Variants in MAN2A1 observed in about 807,000 individuals in gnomAD.
The protein encoded by MAN2A1 is mannosidase alpha class 2A member 1.
Under a neutral mutation model 142.6 loss-of-function variants are expected in MAN2A1, and 76 were observed. The observed-to-expected ratio is 0.53, with a 90% CI of 0.44 to 0.65. MAN2A1 has a LOEUF of 0.65. Ranked by LOEUF, MAN2A1 falls within the 30% of genes least tolerant of loss-of-function variation. MAN2A1 has a pLI of 0.00. For missense variants in MAN2A1, 1,311 were observed against 1,365.1 expected (o/e 0.96, Z 0.62); for synonymous variants, 559 against 473.2 (o/e 1.18, Z -2.35).
At chr5:109,844,880 G>A (rs1404960981) in intron 17 of MAN2A1, among the ~76,000 whole-genome samples, 1 of 152,172 alleles carries the variant, frequency 6.6e-6, no homozygotes, top group South Asian at 2.1e-4. Context: ...TATTTCTGCA[G>A]AGGCTGTATT....
rs375185639 is a variant in MAN2A1 at position 109,729,509 on chromosome 5, A to G, written c.703A>G (p.Lys235Glu). ...AGATATTCAGAAGAAGGATGCTGTT[A>G]AAAGGTTTGTTTTAAAACTTTTTTG... is the stretch of plus-strand genomic sequence containing the variant. ...IIDIQKKDAVKSLIENGQLEI... is the reference protein window; with the variant it reads ...IIDIQKKDAVESLIENGQLEI... The change falls in exon 4 of 22, where the codon AAA becomes GAA. Residue 235 changes from lysine (K) to glutamate (E), a missense_variant. Transcript: ENST00000261483. 1.7e-5 allele frequency: 25 copies of G among 1,492,688 alleles called. No individual in the cohort carries two copies. Among genetic ancestry groups the G allele is most frequent in the Non-Finnish European group, 2.1e-5 (24 of 1,118,794 alleles). 92.5% of individuals were successfully genotyped at this position (1,492,688 alleles called of 1,614,324 possible). A position where few individuals can be genotyped will look rare whatever the true frequency, so the allele number is the denominator to read the frequency against.
In MAN2A1 at chr5:109,721,399, T is replaced by C. The variant is rs374767811; in HGVS notation, c.535+5135T>C. Among the ~76,000 whole-genome samples the C allele has an allele frequency of 9.8e-5, 15 of 152,354 alleles. 1 individual carries two copies. Among genetic ancestry groups the C allele is most frequent in the Admixed American group, 2.6e-4 (4 of 15,294 alleles). The stretch of plus-strand genomic sequence containing the variant: ...AGATTTAGCAAACAAAAATATAGAA[T>C]GCTCAGTTAAACTTGAATTTTCAAT... On this transcript the variant is annotated intron_variant, in intron 3 of 21. Coordinates refer to ENST00000261483, the MANE Select transcript of MAN2A1 (RefSeq NM_002372.4).
chr5:109,737,127 T>C (rs1371327375), intron 4 of MAN2A1, among the ~76,000 whole-genome samples: 2 of 134,030 alleles, frequency 1.5e-5, no homozygotes, highest in East Asian at 2.5e-4. Context: ...TGAGTCTCGC[T>C]CTGTCACCCA....
chr5:109,865,485 G>T (rs1451537138), intron 21 of MAN2A1: 1 of 253,770 alleles, frequency 3.9e-6, no homozygotes, highest in African/African-American at 2.2e-5. Flanking sequence ...ATATCATCTA[G>T]TTCAGCATTG....
At chr5:109,717,759 T>C (rs724783) in intron 3 of MAN2A1, among the ~76,000 whole-genome samples, 57,540 of 152,002 alleles carry the variant, frequency 0.38, 11,702 homozygotes, top group African/African-American at 0.53. Flanking sequence ...TTGATTTGTG[T>C]ATCTGTAAAA....
intron 19 of MAN2A1, among the ~76,000 whole-genome samples, chr5:109,849,824 C>G (rs1359069883): frequency 1.3e-5 from 2 of 152,116 alleles, no homozygotes; most frequent in African/African-American, 4.8e-5. Context: ...CTCCAGAGCC[C>G]CTCATGATAT....
chr5:109,771,989 C>A (rs758842686), intron 7 of MAN2A1, among the ~76,000 whole-genome samples: 4 of 152,176 alleles, frequency 2.6e-5, no homozygotes, highest in African/African-American at 9.6e-5. Flanking sequence ...AACAATTGCC[C>A]CTCAGGATGA....
chr5:109,735,497 G>T (rs1228567831), intron 4 of MAN2A1, among the ~76,000 whole-genome samples: 1 of 152,130 alleles, frequency 6.6e-6, no homozygotes, highest in Non-Finnish European at 1.5e-5. Flanking sequence ...GCATGATTTT[G>T]CAGTGGCTGG....
rs902442711 is a variant in MAN2A1 at position 109,734,200 on chromosome 5, G to A, written c.707+4687G>A. 4.2e-4 allele frequency among the ~76,000 whole-genome samples: 63 copies of A among 151,090 alleles called. 1 individual carries two copies. Among genetic ancestry groups the A allele is most frequent in the Middle Eastern group, 6.8e-3 (2 of 292 alleles). ...GGTAGTTTGTATTTCTGTGGGATCG[G>A]TGGTGATATCCCCTTTATCATTTTT... On this transcript the variant is annotated intron_variant, in intron 4 of 21. Transcript: ENST00000261483.
chr5:109,706,056 A>G (rs1428091303), intron 1 of MAN2A1, among the ~76,000 whole-genome samples: 1 of 152,236 alleles, frequency 6.6e-6, no homozygotes. Context: ...TAGGACAGGG[A>G]TATCTTTGAC....
intron 5 of MAN2A1, among the ~76,000 whole-genome samples, chr5:109,763,454 T>C (rs1235976381): frequency 6.6e-6 from 1 of 152,054 alleles, no homozygotes; most frequent in African/African-American, 2.4e-5. Context: ...TGGCTGCATC[T>C]TATGAATTAG....
chr5:109,832,161 C>CTTTTTTTTTTT (rs70999945), intron 16 of MAN2A1, among the ~76,000 whole-genome samples: 132 of 51,080 alleles, frequency 2.6e-3, no homozygotes, highest in Non-Finnish European at 3.3e-3. Flanking sequence ...AAGGAGTTTT[C>CTTTTTTTTTTT]TTTTTTTTTT....
intron 12 of MAN2A1, among the ~76,000 whole-genome samples, chr5:109,802,701 AC>A (rs34955275): frequency 0.015 from 2,244 of 152,080 alleles, 50 homozygotes; most frequent in African/African-American, 0.051. Context: ...AGTGCTTTTC[AC>A]CCTTTTGTAC....
chr5:109,847,620 C>A (rs1357002139), intron 18 of MAN2A1, 37 bp from the exon 19 acceptor site: 6 of 1,442,688 alleles, frequency 4.2e-6, no homozygotes, highest in Middle Eastern at 3.6e-4. Context: ...TTAAATTATT[C>A]TGGTCAGTTT....
chr5:109,745,646 A>C (rs1280747377), intron 4 of MAN2A1, among the ~76,000 whole-genome samples: 1 of 152,128 alleles, frequency 6.6e-6, no homozygotes, highest in African/African-American at 2.4e-5. Context: ...TTTTAGAGAC[A>C]GGGTCTTTGT....
chr5:109,751,656 T>G (rs1262802226), intron 4 of MAN2A1, among the ~76,000 whole-genome samples: 1 of 152,112 alleles, frequency 6.6e-6, no homozygotes, highest in Non-Finnish European at 1.5e-5. Flanking sequence ...TCTGACTCAC[T>G]GATGTGTTTA....
At chr5:109,726,359 C>G (rs962800993) in intron 3 of MAN2A1, among the ~76,000 whole-genome samples, 6 of 152,132 alleles carry the variant, frequency 3.9e-5, no homozygotes, top group African/African-American at 4.8e-5. Flanking sequence ...CTTGATTACT[C>G]TGTTGTATAA....
Position 109,690,395 on chromosome 5 carries a change from T to C in MAN2A1, c.-23T>C. The stretch of plus-strand genomic sequence containing the variant: ...TCTCCTTTGGCTGAGGAGAGTGTCC[T>C]GGCCCCGAGTCTATCGAGGAAAATG... On this transcript the variant is annotated 5_prime_UTR_variant, in exon 1 of 22. Transcript: ENST00000261483. 6.2e-7 allele frequency: 1 copy of C among 1,613,928 alleles called. No homozygotes were observed. The highest frequency in any genetic ancestry group is 8.5e-7 in the Non-Finnish European group (1 of 1,179,798).
At chr5:109,705,316 TAAGATA>T (rs1388340432) in intron 1 of MAN2A1, among the ~76,000 whole-genome samples, 1 of 152,222 alleles carries the variant, frequency 6.6e-6, no homozygotes, top group Admixed American at 6.5e-5. Context: ...AAACTCAGTC[TAAGATA>T]AAGATGTTGA....
Sources: allele counts gnomAD v4.1 joint callset (sites outside exome capture counted in the v4.1 genomes callset), GRCh38; gene constraint gnomAD v4.1.1; transcripts MANE v1.5; gene names NCBI Gene and HGNC (gene_info 2026-07-23, HGNC 2026-07-21).